TTC29: variants seen among roughly 807,000 people sequenced by gnomAD.
TTC29 encodes the protein tetratricopeptide repeat domain 29.
Under a neutral mutation model 58.1 loss-of-function variants are expected in TTC29, and 49 were observed. That is an observed-to-expected ratio of 0.84 (90% CI 0.67 to 1.07). The LOEUF (loss-of-function observed/expected upper bound fraction) is 1.07. TTC29 is among the 50% of genes least tolerant of loss of function. The pLI, the probability that TTC29 is intolerant of heterozygous loss-of-function variation, is 0.00. For synonymous variants in TTC29, 209 were observed against 196.8 expected (o/e 1.06, Z -0.52); for missense variants, 582 against 555.6 (o/e 1.05, Z -0.48).
intron 11 of TTC29, among the ~76,000 whole-genome samples, chr4:146,736,249 G>A (rs1215879520): frequency 6.6e-6 from 1 of 151,966 alleles, no homozygotes. Flanking sequence ...TTGCACAGGA[G>A]TGGGTAAAAT....
rs1434855064 is a variant in TTC29, at chr4:146,805,525, G to A, written c.1102-1840C>T. Among the ~76,000 whole-genome samples the A allele has an allele frequency of 4.6e-5, 7 of 151,886 alleles. No individual in the cohort carries two copies. In the East Asian group the frequency reaches 1.4e-3, roughly 29 times the overall value. On this transcript the variant is annotated intron_variant, in intron 10 of 12. Coordinates refer to ENST00000325106, the MANE Select transcript of TTC29 (RefSeq NM_031956.4). ...GATGAATTCCTATCTAAAATAACCA[G>A]TTTAGAAAAGAACATAAATTACCTG...
intron 7 of TTC29, among the ~76,000 whole-genome samples, chr4:146,874,456 T>G (rs1417581092): frequency 6.6e-6 from 1 of 152,172 alleles, no homozygotes; most frequent in Non-Finnish European, 1.5e-5. Flanking sequence ...CCTGCTCACT[T>G]TAGGTTCTTT....
chr4:146,884,713 G>A (rs549715713), intron 6 of TTC29, among the ~76,000 whole-genome samples: 22 of 152,034 alleles, frequency 1.4e-4, no homozygotes, highest in Non-Finnish European at 2.8e-4. Context: ...AAGGTGTAAC[G>A]AGACTGGAAA....
intron 11 of TTC29, among the ~76,000 whole-genome samples, chr4:146,771,337 T>C (rs1214759747): frequency 1.3e-5 from 2 of 152,198 alleles, no homozygotes; most frequent in South Asian, 4.1e-4. Context: ...GGGGCTTTAG[T>C]GTACAGATTA....
At chr4:146,930,339 A>G (rs1247115126) in intron 4 of TTC29, among the ~76,000 whole-genome samples, 1 of 152,020 alleles carries the variant, frequency 6.6e-6, no homozygotes, top group Non-Finnish European at 1.5e-5. Context: ...GAATTAAAAA[A>G]TAAAAATAAA....
intron 8 of TTC29, among the ~76,000 whole-genome samples, chr4:146,835,944 C>T (rs1019276321): frequency 3.3e-5 from 5 of 152,136 alleles, no homozygotes; most frequent in African/African-American, 1.2e-4. Flanking sequence ...CAGCTTTGGC[C>T]TTGCACTTGA....
chr4:146,734,643 G>T (rs945785853), intron 11 of TTC29, among the ~76,000 whole-genome samples: 1 of 151,966 alleles, frequency 6.6e-6, no homozygotes, highest in Non-Finnish European at 1.5e-5. Flanking sequence ...GTTGAATTGG[G>T]GGACATCCAG....
intron 10 of TTC29, among the ~76,000 whole-genome samples, chr4:146,818,750 A>G (rs902559554): frequency 6.6e-6 from 1 of 152,224 alleles, no homozygotes; most frequent in African/African-American, 2.4e-5. Context: ...AATACTATGC[A>G]GCCATAAAAA....
At chr4:146,752,434 T>C (rs1746080642) in intron 11 of TTC29, among the ~76,000 whole-genome samples, 1 of 150,338 alleles carries the variant, frequency 6.7e-6, no homozygotes, top group Non-Finnish European at 1.5e-5. Context: ...ATTCCATGCT[T>C]ATGGGTAGGA....
At chr4:146,930,084 CATATATAT>C (rs70958534) in intron 4 of TTC29, among the ~76,000 whole-genome samples, 2,570 of 77,438 alleles carry the variant, frequency 0.033, 74 homozygotes, top group African/African-American at 0.04. Flanking sequence ...TGTGTGTGTG[CATATATAT>C]ATATATATAT....
rs572993593 is a variant in TTC29 at position 146,719,833 on chromosome 4, A to T, written c.1331-12282T>A. On this transcript the variant is annotated intron_variant, in intron 11 of 12. Coordinates refer to ENST00000325106, the MANE Select transcript of TTC29 (RefSeq NM_031956.4). The stretch of plus-strand genomic sequence containing the variant: ...ATGGATTCAGCTTCATAAAGTCAGA[A>T]AAAGAAAAAAAAAGCAATTTATTCA... 5.3e-5 allele frequency among the ~76,000 whole-genome samples: 8 copies of T among 152,240 alleles called. No homozygotes were observed. The South Asian group carries it at 1.7e-3, about 32-fold the overall frequency.
intron 7 of TTC29, among the ~76,000 whole-genome samples, chr4:146,868,141 A>G (rs960658827): frequency 6.6e-6 from 1 of 152,154 alleles, no homozygotes; most frequent in Non-Finnish European, 1.5e-5. Context: ...GAGCTACCGC[A>G]TGTTCTCACT....
intron 11 of TTC29, among the ~76,000 whole-genome samples, chr4:146,733,984 G>A (rs1455962711): frequency 1.3e-5 from 2 of 152,090 alleles, no homozygotes. Context: ...AAATGATAAA[G>A]TAAGCCTTTC....
chr4:146,709,420 C>A (rs949495008), intron 11 of TTC29, among the ~76,000 whole-genome samples: 5 of 151,712 alleles, frequency 3.3e-5, no homozygotes, highest in Admixed American at 2.0e-4. Context: ...ATTTTTCTGT[C>A]TCTTCTTCCT....
intron 6 of TTC29, among the ~76,000 whole-genome samples, chr4:146,895,629 G>A (rs1427788084): frequency 1.3e-5 from 2 of 152,202 alleles, no homozygotes; most frequent in African/African-American, 4.8e-5. Flanking sequence ...CAGTCTGCCA[G>A]TAGCTAGGTG....
At chr4:146,811,931 CAG>C (rs1381140858) in intron 10 of TTC29, among the ~76,000 whole-genome samples, 1 of 152,132 alleles carries the variant, frequency 6.6e-6, no homozygotes, top group African/African-American at 2.4e-5. Flanking sequence ...TTAATTGAAA[CAG>C]AGTCTCTCCA....
At chr4:146,753,709 G>A (rs1212686869) in intron 11 of TTC29, among the ~76,000 whole-genome samples, 1 of 152,150 alleles carries the variant, frequency 6.6e-6, no homozygotes, top group Non-Finnish European at 1.5e-5. Context: ...ATACACCATG[G>A]AATACTATGC....
intron 11 of TTC29, among the ~76,000 whole-genome samples, chr4:146,766,658 G>T (rs1221938255): frequency 6.6e-6 from 1 of 151,978 alleles, no homozygotes; most frequent in East Asian, 1.9e-4. Flanking sequence ...TCAAAACTGG[G>T]TTAAATGACA....
intron 11 of TTC29, among the ~76,000 whole-genome samples, chr4:146,723,878 T>C (rs1002670478): frequency 1.3e-5 from 2 of 152,242 alleles, no homozygotes; most frequent in African/African-American, 2.4e-5. Flanking sequence ...CATTACTGGG[T>C]ATATATCTAA....
Sources: allele counts gnomAD v4.1 joint callset (sites outside exome capture counted in the v4.1 genomes callset), GRCh38; gene constraint gnomAD v4.1.1; transcripts MANE v1.5; gene names NCBI Gene and HGNC (gene_info 2026-07-23, HGNC 2026-07-21).